The following PLCB1 variants were observed in gnomAD, a reference collection of about 807,000 sequenced individuals.
The protein encoded by PLCB1 is 1-phosphatidylinositol 4,5-bisphosphate phosphodiesterase beta-1.
Under a neutral mutation model 161.8 loss-of-function variants are expected in PLCB1, and 46 were observed. The ratio of observed to expected loss-of-function variants is 0.28; its 90% confidence interval spans 0.22 to 0.36. The LOEUF (loss-of-function observed/expected upper bound fraction) is 0.36, where lower values mean the gene tolerates loss of function less well. Among genes scored for constraint, PLCB1 ranks in the 10% least tolerant of loss-of-function variants. The pLI is 1.00. For synonymous variants in PLCB1, 517 were observed against 503.7 expected, an observed-to-expected ratio of 1.03 and a Z score of -0.35; for missense variants, 1,016 against 1,472.5, an observed-to-expected ratio of 0.69 and a Z score of 5.07.
chr20:8,855,873 A>T (rs1987049699), intron 31 of PLCB1, among the ~76,000 whole-genome samples: 1 of 152,122 alleles, frequency 6.6e-6, no homozygotes, highest in Non-Finnish European at 1.5e-5. Flanking sequence ...TTTGCCACAG[A>T]CTGGTTATTT....
intron 2 of PLCB1, among the ~76,000 whole-genome samples, chr20:8,261,559 C>T (rs1568609180): frequency 6.6e-6 from 1 of 152,048 alleles, no homozygotes; most frequent in African/African-American, 2.4e-5. Context: ...GTGATCTTTC[C>T]ATGAGCCATT....
At chr20:8,211,685 A>G (rs1028425259) in intron 2 of PLCB1, among the ~76,000 whole-genome samples, 3 of 152,050 alleles carry the variant, frequency 2.0e-5, no homozygotes, top group Non-Finnish European at 4.4e-5. Flanking sequence ...GATTCCTTAA[A>G]TTTTACTTAG....
intron 31 of PLCB1, among the ~76,000 whole-genome samples, chr20:8,873,737 CCT>C (rs1987684650): frequency 6.6e-6 from 1 of 151,866 alleles, no homozygotes; most frequent in Non-Finnish European, 1.5e-5. Context: ...ATTATTTCTC[CCT>C]GTTTTCAAAG....
Position 8,882,303 on chromosome 20 carries a change from T to G in PLCB1, c.*454T>G, listed in dbSNP as rs1178450434. On this transcript the variant is annotated 3_prime_UTR_variant, in exon 32 of 32. Transcript: ENST00000338037. The stretch of plus-strand genomic sequence containing the variant: ...GAGCATTGTTTCTTCTAACTGCCCC[T>G]CAACTACCATTATCTTCAAGTCAAC... The G allele has an allele frequency of 1.2e-5, 2 of 169,508 alleles. No individual in the cohort carries two copies. The highest frequency in any genetic ancestry group is 4.8e-5 in the African/African-American group (2 of 41,592). The allele number at this position is 169,508 out of a possible 1,614,324, so 10.5% of individuals were successfully genotyped here. A position where few individuals can be genotyped will look rare whatever the true frequency, so the allele number is the denominator to read the frequency against.
At chr20:8,331,744 G>T (rs1385486157) in intron 2 of PLCB1, among the ~76,000 whole-genome samples, 1 of 152,224 alleles carries the variant, frequency 6.6e-6, no homozygotes, top group Non-Finnish European at 1.5e-5. Context: ...CTCACTTTCA[G>T]TTTGGGGGAA....
intron 14 of PLCB1, among the ~76,000 whole-genome samples, chr20:8,722,083 T>G (rs574826878): frequency 1.3e-5 from 2 of 152,238 alleles, no homozygotes; most frequent in South Asian, 2.1e-4. Context: ...TAAAAACATA[T>G]AGAGAAAAAA....
At chr20:8,320,786 G>A (rs1364385002) in intron 2 of PLCB1, among the ~76,000 whole-genome samples, 1 of 126,136 alleles carries the variant, frequency 7.9e-6, no homozygotes, top group East Asian at 2.7e-4. Context: ...GTAATATTAG[G>A]ACAGAAAGAA....
chr20:8,733,095 G>C, intron 18 of PLCB1, 143 bp from the exon 19 acceptor site: 1 of 807,966 alleles, frequency 1.2e-6, no homozygotes, highest in Non-Finnish European at 1.9e-6. Context: ...TTTCTTATCT[G>C]TGTTTCCTGC....
At chr20:8,713,131 G>A (rs1979109803) in intron 12 of PLCB1, among the ~76,000 whole-genome samples, 1 of 152,082 alleles carries the variant, frequency 6.6e-6, no homozygotes, top group Non-Finnish European at 1.5e-5. Context: ...CTTTTTGCTA[G>A]GACACCTACC....
chr20:8,607,077 A>C (rs1250135417), intron 3 of PLCB1, among the ~76,000 whole-genome samples: 1 of 152,154 alleles, frequency 6.6e-6, no homozygotes, highest in Non-Finnish European at 1.5e-5. Context: ...TATAATGCCA[A>C]AACCAGGGAA....
chr20:8,768,684 C>A (rs1012662598), intron 26 of PLCB1, among the ~76,000 whole-genome samples: 13 of 152,170 alleles, frequency 8.5e-5, no homozygotes, highest in Admixed American at 7.2e-4. Context: ...GGGGCACATG[C>A]AACACACAAG....
At chr20:8,665,576 C>T (rs1206619898) in intron 9 of PLCB1, among the ~76,000 whole-genome samples, 1 of 151,958 alleles carries the variant, frequency 6.6e-6, no homozygotes, top group Non-Finnish European at 1.5e-5. Flanking sequence ...ATGGTCCTTT[C>T]TGACTCAATC....
At chr20:8,398,922 T>C (rs1600374292) in intron 3 of PLCB1, among the ~76,000 whole-genome samples, 1 of 152,194 alleles carries the variant, frequency 6.6e-6, no homozygotes, top group South Asian at 2.1e-4. Flanking sequence ...TTTGGTGTTT[T>C]TTTGTTGCTG....
chr20:8,720,618 A>G (rs55775700), intron 14 of PLCB1, among the ~76,000 whole-genome samples: 30,622 of 151,664 alleles, frequency 0.2, 3,166 homozygotes, highest in South Asian at 0.23. Flanking sequence ...GATATTTTTT[A>G]TAGTTCAACA....
chr20:8,695,146 T>A, intron 10 of PLCB1, among the ~76,000 whole-genome samples: 1 of 152,236 alleles, frequency 6.6e-6, no homozygotes, highest in East Asian at 1.9e-4. Flanking sequence ...ACATCCCATT[T>A]TTCCAGTAGA....
In PLCB1 at chr20:8,149,663, AC is replaced by A. The variant is rs149460123; in HGVS notation, c.100-630del. 8.3e-3 allele frequency among the ~76,000 whole-genome samples: 1,268 copies of A among 152,288 alleles called. 21 individuals carry two copies. The highest frequency in any genetic ancestry group is 0.028 in the African/African-American group (1,170 of 41,574). On this transcript the variant is annotated intron_variant, in intron 1 of 31. Coordinates refer to ENST00000338037, the MANE Select transcript of PLCB1 (RefSeq NM_015192.4). ...TTCTGAAAATTGCTAAGAGAAAAGA[AC>A]ACATATTTTAGAAATGTTTAATATT...
intron 3 of PLCB1, among the ~76,000 whole-genome samples, chr20:8,573,366 A>G (rs184802840): frequency 1.3e-5 from 2 of 152,328 alleles, no homozygotes; most frequent in African/African-American, 4.8e-5. Context: ...AACTTTAACT[A>G]GGAAATGGAA....
intron 3 of PLCB1, among the ~76,000 whole-genome samples, chr20:8,562,257 G>A (rs551278761): frequency 6.6e-6 from 1 of 152,172 alleles, no homozygotes; most frequent in South Asian, 2.1e-4. Flanking sequence ...AAATTGTAAT[G>A]ACAAGACCCC....
Position 8,717,799 on chromosome 20 carries a change from C to T in PLCB1, c.1464C>T (p.Asn488=), listed in dbSNP as rs937995083. Residue 488 remains asparagine, a synonymous_variant, in exon 14 of 32, where the codon AAC becomes AAT. Coordinates refer to ENST00000338037, the MANE Select transcript of PLCB1 (RefSeq NM_015192.4). ...GKKKLSEQAS[N]TYSDSSSMFE... ...AGAAGCTCTCAGAACAAGCCTCCAA[C>T]ACCTACAGTGACTCCTCCAGCATGT... The T allele has an allele frequency of 6.2e-7, 1 of 1,614,008 alleles. No homozygotes were observed. The highest frequency in any genetic ancestry group is 1.1e-5 in the South Asian group (1 of 91,064).
Sources: allele counts gnomAD v4.1 joint callset (sites outside exome capture counted in the v4.1 genomes callset), GRCh38; gene constraint gnomAD v4.1.1; transcripts MANE v1.5; gene names NCBI Gene and HGNC (gene_info 2026-07-23, HGNC 2026-07-21).